RERE: variants seen among roughly 807,000 people sequenced by gnomAD.
The protein encoded by RERE is arginine-glutamic acid dipeptide repeats.
In RERE, 40 loss-of-function variants were observed where a neutral mutation model predicts 146.1. The observed-to-expected ratio is 0.27, with a 90% CI of 0.21 to 0.36. RERE has a LOEUF of 0.36. RERE is among the 10% of genes least tolerant of loss of function. RERE has a pLI of 1.00. For synonymous variants in RERE, 1,003 were observed against 866.0 expected (o/e 1.16, Z -2.78); for missense variants, 1,933 against 2,138.7 (o/e 0.90, Z 1.90).
chr1:8,453,476 G>C (rs1644412363), intron 11 of RERE, among the ~76,000 whole-genome samples: 1 of 152,138 alleles, frequency 6.6e-6, no homozygotes, highest in Admixed American at 6.5e-5. Context: ...TGGGTTTTTG[G>C]TCGAGGTCAA....
chr1:8,402,929 C>T (rs1187569026), intron 12 of RERE, among the ~76,000 whole-genome samples: 1 of 152,088 alleles, frequency 6.6e-6, no homozygotes, highest in African/African-American at 2.4e-5. Context: ...GATGGAGTCT[C>T]GCTCTGTTTC....
chr1:8,418,427 A>C (rs943079137), intron 12 of RERE, among the ~76,000 whole-genome samples: 22 of 152,202 alleles, frequency 1.4e-4, no homozygotes, highest in African/African-American at 5.3e-4. Context: ...CTTGGCTACC[A>C]AGCTGGGGTA....
Position 8,364,131 on chromosome 1 carries a change from C to G in RERE, c.1665G>C (p.Met555Ile), listed in dbSNP as rs199741942. The stretch of plus-strand genomic sequence containing the variant: ...CATCCTCTTCCTTGACGGGTTTGAA[C>G]ATAAACGGTGGCGGGTCCACGGGCT... ...IEKPVDPPPF[M>I]FKPVKEEDDG... The change falls in exon 15 of 23, where the codon ATG (methionine) becomes ATC (isoleucine). Residue 555 changes from methionine (M) to isoleucine (I), a missense_variant. Physicochemically the swap from Met to Ile is conservative, Grantham distance 10. This residue lies in a region of RERE where 260 missense variants were observed against 378.4 expected (regional missense o/e 0.69). Transcript: ENST00000400908. The surrounding 1 kb of genome is among the most constrained non-coding windows in gnomAD (Gnocchi z 5.1). 6.2e-7 allele frequency: 1 copy of G among 1,614,200 alleles called. No homozygotes were observed. The highest frequency in any genetic ancestry group is 2.2e-5 in the East Asian group (1 of 44,868).
In RERE at chr1:8,411,317, CT is replaced by C. The variant is rs35754702; in HGVS notation, c.1284+11409del. Among the ~76,000 whole-genome samples the C allele has an allele frequency of 5.4e-3, 762 of 139,818 alleles. 1 individual carries two copies. Among genetic ancestry groups the C allele is most frequent in the African/African-American group, 6.4e-3 (244 of 38,020 alleles). The allele number at this position is 139,818 out of a possible 152,430, so 91.7% of individuals were successfully genotyped here. Reference sequence around the variant, plus strand: ...ATCAAAAGAAATAAGGGCTTCAAGTCTTTTTTTTTTTTTTTTTAAAGAGATG... The same window carrying C: ...ATCAAAAGAAATAAGGGCTTCAAGTCTTTTTTTTTTTTTTTTAAAGAGATG... On this transcript the variant is annotated intron_variant, in intron 12 of 22. Transcript: ENST00000400908.
rs531388642 is a variant in RERE, at chr1:8,677,289, C to A, written c.-144-20848G>T. Among the ~76,000 whole-genome samples, 4 of 151,922 alleles carry A rather than the reference C, an allele frequency of 2.6e-5. No homozygotes were observed. The South Asian group carries it at 8.3e-4, about 32-fold the overall frequency. ...TATTAAAAATACAAAATTAGCCAGG[C>A]GTGGTGGCACGTGCCTGTAATCCCA... is the stretch of plus-strand genomic sequence containing the variant. On this transcript the variant is annotated intron_variant, in intron 1 of 22. Transcript: ENST00000400908.
intron 11 of RERE, among the ~76,000 whole-genome samples, chr1:8,464,069 A>T (rs894633565): frequency 6.6e-6 from 1 of 152,232 alleles, no homozygotes; most frequent in Non-Finnish European, 1.5e-5. Context: ...CGACTTCTCA[A>T]AACTGAATTT....
chr1:8,610,192 C>CT (rs1196857050), intron 4 of RERE, among the ~76,000 whole-genome samples: 4 of 152,240 alleles, frequency 2.6e-5, no homozygotes, highest in Non-Finnish European at 5.9e-5. Flanking sequence ...TAAAGATCCT[C>CT]TTTCCAGAAA....
intron 1 of RERE, among the ~76,000 whole-genome samples, chr1:8,803,561 G>C (rs543324054): frequency 6.6e-6 from 1 of 152,188 alleles, no homozygotes; most frequent in African/African-American, 2.4e-5. Context: ...AGTTACTAAA[G>C]TTTTGAAGGG....
chr1:8,441,785 A>T (rs1644252220), intron 11 of RERE, among the ~76,000 whole-genome samples: 1 of 152,206 alleles, frequency 6.6e-6, no homozygotes, highest in South Asian at 2.1e-4. Flanking sequence ...ATTTCCAATA[A>T]ATGTTAAGCA....
At chr1:8,365,422 A>T (rs1364788039) in intron 13 of RERE, among the ~76,000 whole-genome samples, 1 of 152,108 alleles carries the variant, frequency 6.6e-6, no homozygotes, top group East Asian at 1.9e-4. Flanking sequence ...AGAAAGTGTT[A>T]ATCTGATCTT....
intron 4 of RERE, among the ~76,000 whole-genome samples, chr1:8,581,180 TC>T (rs1026682380): frequency 6.6e-6 from 1 of 152,220 alleles, no homozygotes; most frequent in African/African-American, 2.4e-5. Context: ...ATTTAGCCAT[TC>T]TAGAGGCTGT....
chr1:8,647,409 A>C (rs1401491540), intron 2 of RERE, among the ~76,000 whole-genome samples: 3 of 152,102 alleles, frequency 2.0e-5, no homozygotes, highest in Non-Finnish European at 4.4e-5. Context: ...AGTGCAACTG[A>C]ATTTGTCACA....
intron 1 of RERE, among the ~76,000 whole-genome samples, chr1:8,692,103 A>G (rs1639219388): frequency 6.6e-6 from 1 of 152,214 alleles, no homozygotes; most frequent in African/African-American, 2.4e-5. Context: ...GAATGGGTTT[A>G]TTTCTAAAAA....
At chr1:8,632,815 A>G (rs1490573951) in intron 2 of RERE, among the ~76,000 whole-genome samples, 2 of 152,216 alleles carry the variant, frequency 1.3e-5, no homozygotes, top group Non-Finnish European at 2.9e-5. Context: ...ATTTACCTCC[A>G]ACTTTCTAGA....
At chr1:8,715,831 A>G (rs951523911) in intron 1 of RERE, among the ~76,000 whole-genome samples, 1 of 151,936 alleles carries the variant, frequency 6.6e-6, no homozygotes, top group Non-Finnish European at 1.5e-5. Context: ...TGAGCCCAGA[A>G]AGTAGAAGTT....
At chr1:8,728,449 T>C (rs1200575502) in intron 1 of RERE, among the ~76,000 whole-genome samples, 1 of 147,874 alleles carries the variant, frequency 6.8e-6, no homozygotes, top group African/African-American at 2.5e-5. Context: ...CAATCTAGAG[T>C]CATAAGAGAC....
intron 8 of RERE, among the ~76,000 whole-genome samples, chr1:8,502,669 T>G (rs935275265): frequency 5.3e-4 from 79 of 150,052 alleles, no homozygotes; most frequent in Non-Finnish European, 9.8e-4. Flanking sequence ...GGGAAAAAAT[T>G]GAGAAATCGG....
chr1:8,565,268 T>C (rs1014202413), intron 4 of RERE, among the ~76,000 whole-genome samples: 4 of 152,214 alleles, frequency 2.6e-5, no homozygotes, highest in Non-Finnish European at 4.4e-5. Flanking sequence ...TTATTCTACA[T>C]TGTATTAATG....
chr1:8,765,055 G>T (rs141232433), intron 1 of RERE, among the ~76,000 whole-genome samples: 1 of 152,280 alleles, frequency 6.6e-6, no homozygotes, highest in South Asian at 2.1e-4. Context: ...GTACATGAAC[G>T]TTCACAACAG....
Sources: allele counts gnomAD v4.1 joint callset (sites outside exome capture counted in the v4.1 genomes callset), GRCh38; gene constraint gnomAD v4.1.1; regional missense constraint gnomAD v4.1.1; non-coding constraint Gnocchi (gnomAD v3.1); transcripts MANE v1.5; gene names NCBI Gene and HGNC (gene_info 2026-07-23, HGNC 2026-07-21).